WWOX: variants seen among roughly 807,000 people sequenced by gnomAD.
The protein encoded by WWOX is WW domain-containing oxidoreductase.
Under a neutral mutation model 46.2 loss-of-function variants are expected in WWOX, and 69 were observed. The observed-to-expected ratio is 1.49, with a 90% CI of 1.23 to 1.82. The LOEUF is 1.82. WWOX is among the 40% of genes most tolerant of loss of function. The pLI is 0.00. For synonymous variants in WWOX, 359 were observed against 202.6 expected, an observed-to-expected ratio of 1.77 and a Z score of -6.56; for missense variants, 919 against 542.6, an observed-to-expected ratio of 1.69 and a Z score of -6.89.
intron 8 of WWOX, among the ~76,000 whole-genome samples, chr16:78,888,500 A>C (rs1373268171): frequency 1.3e-5 from 2 of 152,180 alleles, no homozygotes; most frequent in Non-Finnish European, 2.9e-5. Context: ...TGACAGCTCT[A>C]GGCAGAAAGC....
At chr16:78,189,270 C>A (rs143927431) in intron 5 of WWOX, among the ~76,000 whole-genome samples, 1 of 152,322 alleles carries the variant, frequency 6.6e-6, no homozygotes, top group East Asian at 1.9e-4. Context: ...CTCACCTGTG[C>A]CACGATGGTC....
chr16:79,076,687 C>G (rs960441792), intron 8 of WWOX, among the ~76,000 whole-genome samples: 2 of 152,222 alleles, frequency 1.3e-5, no homozygotes, highest in African/African-American at 4.8e-5. Context: ...ACGGATCGAA[C>G]TTCGTCTTTA....
intron 5 of WWOX, among the ~76,000 whole-genome samples, chr16:78,242,845 T>C (rs777971467): frequency 2.0e-5 from 3 of 152,124 alleles, no homozygotes; most frequent in Non-Finnish European, 4.4e-5. Flanking sequence ...CTATCTCTAC[T>C]AAAAATAACA....
At chr16:79,143,221 C>T (rs2050123085) in intron 8 of WWOX, among the ~76,000 whole-genome samples, 1 of 152,176 alleles carries the variant, frequency 6.6e-6, no homozygotes, top group Non-Finnish European at 1.5e-5. Flanking sequence ...TATTGTCTTT[C>T]CCTGCTTCCC....
chr16:79,155,871 A>AG (rs2050371789), intron 8 of WWOX, among the ~76,000 whole-genome samples: 1 of 151,442 alleles, frequency 6.6e-6, no homozygotes, highest in Non-Finnish European at 1.5e-5. Flanking sequence ...AGAAGGAGAA[A>AG]GGGAGGGAGG....
chr16:78,646,838 C>A (rs1268466182), intron 8 of WWOX, among the ~76,000 whole-genome samples: 4 of 152,188 alleles, frequency 2.6e-5, no homozygotes, highest in Non-Finnish European at 5.9e-5. Flanking sequence ...TATCTCCCAT[C>A]AGCCGAAACT....
chr16:79,191,915 G>C (rs1029847784), intron 8 of WWOX, among the ~76,000 whole-genome samples: 2 of 152,166 alleles, frequency 1.3e-5, no homozygotes, highest in East Asian at 3.8e-4. Flanking sequence ...GGAGTTTAAG[G>C]GAGCAAGAGA....
chr16:78,614,226 T>C (rs1360305403), intron 8 of WWOX, among the ~76,000 whole-genome samples: 2 of 152,198 alleles, frequency 1.3e-5, no homozygotes, highest in African/African-American at 4.8e-5. Flanking sequence ...GAACTATCTG[T>C]GTTGACAGCC....
chr16:78,831,121 G>A (rs1046225188), intron 8 of WWOX, among the ~76,000 whole-genome samples: 4 of 152,178 alleles, frequency 2.6e-5, no homozygotes, highest in Admixed American at 6.5e-5. Context: ...ATCACAGCCT[G>A]GCTGGTGGAG....
chr16:78,481,293 T>A (rs2084479923), intron 8 of WWOX, among the ~76,000 whole-genome samples: 1 of 152,182 alleles, frequency 6.6e-6, no homozygotes, highest in South Asian at 2.1e-4. Context: ...GCCTCTTGGA[T>A]TTTAAAAAGA....
intron 8 of WWOX, among the ~76,000 whole-genome samples, chr16:79,019,473 G>C (rs2047487752): frequency 6.6e-6 from 1 of 152,100 alleles, no homozygotes; most frequent in South Asian, 2.1e-4. Flanking sequence ...AAATAGTACA[G>C]TAAAAATATG....
intron 8 of WWOX, among the ~76,000 whole-genome samples, chr16:78,743,444 A>C (rs1235130906): frequency 2.0e-5 from 3 of 151,674 alleles, no homozygotes; most frequent in Non-Finnish European, 4.4e-5. Flanking sequence ...GTCTACCCTC[A>C]AGAAGCATCA....
chr16:78,951,550 T>C (rs1479626667), intron 8 of WWOX, among the ~76,000 whole-genome samples: 2 of 152,142 alleles, frequency 1.3e-5, no homozygotes, highest in African/African-American at 2.4e-5. Flanking sequence ...AAAGGGGACA[T>C]GGGTATTAAA....
chr16:78,282,131 G>A (rs1298232182), intron 5 of WWOX, among the ~76,000 whole-genome samples: 1 of 152,164 alleles, frequency 6.6e-6, no homozygotes, highest in Non-Finnish European at 1.5e-5. Context: ...TGCAGCCTGG[G>A]CAGTCAAGGC....
chr16:78,926,323 T>G (rs993341548), intron 8 of WWOX, among the ~76,000 whole-genome samples: 1 of 151,004 alleles, frequency 6.6e-6, no homozygotes, highest in African/African-American at 2.4e-5. Flanking sequence ...CAGTGAGCCA[T>G]GCTCGTGCCA....
At chr16:78,322,559 C>T (rs62034373) in intron 5 of WWOX, among the ~76,000 whole-genome samples, 2 of 152,092 alleles carry the variant, frequency 1.3e-5, no homozygotes, top group African/African-American at 2.4e-5. Flanking sequence ...CCCCTAGCAT[C>T]GTACAGTCAG....
rs963228370 is a variant in WWOX, at chr16:78,338,453, T to C, written c.517-48407T>C. ...GCCCTTTTGGGGGACAAAATGTCTT[T>C]ATGTTAAATTGTTTTATTATTGTTA... On this transcript the variant is annotated intron_variant, in intron 5 of 8. Transcript: ENST00000566780. Among the ~76,000 whole-genome samples, 5 of 121,594 alleles carry C rather than the reference T, an allele frequency of 4.1e-5. 1 individual carries two copies. In the East Asian group the frequency reaches 9.6e-4, roughly 23 times the overall value. The allele number at this position is 121,594 out of a possible 152,430, so 79.8% of individuals were successfully genotyped here.
At chr16:79,156,102 C>T (rs750370999) in intron 8 of WWOX, among the ~76,000 whole-genome samples, 1 of 152,178 alleles carries the variant, frequency 6.6e-6, no homozygotes, top group Non-Finnish European at 1.5e-5. Context: ...TCTCACTACT[C>T]ATAGGCCCAT....
intron 8 of WWOX, among the ~76,000 whole-genome samples, chr16:79,133,850 A>G (rs112974834): frequency 2.8e-4 from 42 of 152,340 alleles, no homozygotes; most frequent in African/African-American, 1.0e-3. Flanking sequence ...TGTTTTTTTC[A>G]AAGGCTTGGC....
Sources: allele counts gnomAD v4.1 joint callset (sites outside exome capture counted in the v4.1 genomes callset), GRCh38; gene constraint gnomAD v4.1.1; transcripts MANE v1.5; gene names NCBI Gene and HGNC (gene_info 2026-07-23, HGNC 2026-07-21).